ZGRF1: variants seen among roughly 807,000 people sequenced by gnomAD.
The protein encoded by ZGRF1 is 5'-3' DNA helicase ZGRF1.
In ZGRF1, 196 loss-of-function variants were observed where a neutral mutation model predicts 203.5. The observed-to-expected ratio is 0.96, with a 90% confidence interval of 0.86 to 1.08. ZGRF1 has a LOEUF of 1.08. Ranked by LOEUF, ZGRF1 falls within the 50% of genes least tolerant of loss-of-function variation. ZGRF1 has a pLI of 0.00. For synonymous variants in ZGRF1, 809 were observed against 841.3 expected (o/e 0.96, Z 0.66); for missense variants, 2,326 against 2,416.3 (o/e 0.96, Z 0.78).
chr4:112,606,580 C>A (rs1349496408), intron 8 of ZGRF1, among the ~76,000 whole-genome samples: 1 of 151,744 alleles, frequency 6.6e-6, no homozygotes, highest in Non-Finnish European at 1.5e-5. Context: ...ATTGCTTGAA[C>A]CCTGGAGGCA....
At chr4:112,581,614 G>A in intron 16 of ZGRF1, 49 bp downstream of exon 16, 1 of 1,381,728 alleles carries the variant, frequency 7.2e-7, no homozygotes, top group Non-Finnish European at 9.6e-7. Flanking sequence ...TGTATGTAAT[G>A]GAGATAATAA....
At chr4:112,614,928 T>A (rs770006494) in intron 6 of ZGRF1, among the ~76,000 whole-genome samples, 40 of 152,294 alleles carry the variant, frequency 2.6e-4, no homozygotes, top group Middle Eastern at 3.4e-3. Flanking sequence ...AGGTACATTT[T>A]TTATAGGTAA....
chr4:112,633,110 CAG>C (rs1265310906), intron 2 of ZGRF1, 44 bp downstream of exon 2: 1 of 1,556,510 alleles, frequency 6.4e-7, no homozygotes, highest in East Asian at 2.2e-5. Context: ...AAGAAAGAGA[CAG>C]AGGAAGGGAA....
intron 15 of ZGRF1, among the ~76,000 whole-genome samples, chr4:112,583,026 A>C (rs1455073984): frequency 1.3e-5 from 2 of 152,228 alleles, no homozygotes; most frequent in Non-Finnish European, 1.5e-5. Flanking sequence ...TTGCTGGATC[A>C]TATGATAGTT....
intron 23 of ZGRF1, among the ~76,000 whole-genome samples, chr4:112,547,967 T>C (rs1400034911): frequency 6.6e-6 from 1 of 151,814 alleles, no homozygotes; most frequent in Non-Finnish European, 1.5e-5. Flanking sequence ...TGAGACGGGG[T>C]TTTACTCTGT....
intron 16 of ZGRF1, among the ~76,000 whole-genome samples, chr4:112,575,681 T>G (rs1745061185): frequency 6.6e-6 from 1 of 152,184 alleles, no homozygotes; most frequent in Non-Finnish European, 1.5e-5. Flanking sequence ...CGCTCATTGC[T>G]AACAGAGCAG....
At chr4:112,558,591 T>C (rs1203345710) in intron 19 of ZGRF1, among the ~76,000 whole-genome samples, 3 of 152,198 alleles carry the variant, frequency 2.0e-5, no homozygotes, top group Non-Finnish European at 4.4e-5. Context: ...ACTCCTGAAC[T>C]CAAGTGATCC....
intron 21 of ZGRF1, among the ~76,000 whole-genome samples, chr4:112,554,436 C>A (rs1446447021): frequency 6.6e-6 from 1 of 152,046 alleles, no homozygotes; most frequent in Non-Finnish European, 1.5e-5. Flanking sequence ...AGCCAAATGC[C>A]CAACAATGAC....
intron 12 of ZGRF1, 93 bp from the exon 13 acceptor site, chr4:112,586,676 A>G: frequency 2.0e-6 from 2 of 1,007,322 alleles, no homozygotes; most frequent in Non-Finnish European, 2.7e-6. Flanking sequence ...TTTTAAAAAT[A>G]TTAATTTTTC....
At chr4:112,620,883 T>C (rs1578474117) in intron 4 of ZGRF1, among the ~76,000 whole-genome samples, 1 of 147,510 alleles carries the variant, frequency 6.8e-6, no homozygotes, top group Admixed American at 6.8e-5. Flanking sequence ...AAAAAAAAAA[T>C]TAGCCAGGCA....
intron 4 of ZGRF1, among the ~76,000 whole-genome samples, chr4:112,623,385 C>T (rs1310643911): frequency 2.0e-5 from 3 of 152,032 alleles, no homozygotes; most frequent in Non-Finnish European, 4.4e-5. Flanking sequence ...TTATAGTACT[C>T]CTGGGTTGAA....
At chr4:112,542,109 G>A (rs6822451) in intron 24 of ZGRF1, among the ~76,000 whole-genome samples, 91,902 of 151,826 alleles carry the variant, frequency 0.61, 28,563 homozygotes, top group East Asian at 0.95. Context: ...TGGGAGGCCA[G>A]GGTGGGAGGA....
Position 112,563,255 on chromosome 4 carries a change from T to C in ZGRF1, c.4458A>G (p.Ser1486=). Residue 1486 remains serine, a synonymous_variant, in exon 17 of 28, where the codon TCA becomes TCG. Transcript: ENST00000505019. ...AYSKNDLWVV[S]KTLDFELDTF... is the part of the protein sequence containing the mutation. ...TATCCAGCTCAAAGTCTAGGGTTTTTGAAACCACCCAAAGATCATCTGAAA... is the reference window on the plus strand; with the variant it reads ...TATCCAGCTCAAAGTCTAGGGTTTTCGAAACCACCCAAAGATCATCTGAAA... 3 of 1,551,086 alleles carry C rather than the reference T, an allele frequency of 1.9e-6. No individual in the cohort carries two copies. The South Asian group carries it at 3.6e-5, about 18-fold the overall frequency.
In ZGRF1 at chr4:112,587,574, G is replaced by A; in HGVS notation, c.3483C>T (p.Asn1161=). The A allele has an allele frequency of 6.2e-7, 1 of 1,613,866 alleles. No individual in the cohort carries two copies. ...NTSQCNVATP[N]RVDKRITDGF... is the part of the protein sequence containing the mutation. Reference sequence around the variant, plus strand: ...CATCAGTTATTCTCTTATCAACTCTGTTTGGAGTAGCCACGTTGCATTGGG... The same window carrying A: ...CATCAGTTATTCTCTTATCAACTCTATTTGGAGTAGCCACGTTGCATTGGG... Residue 1161 remains asparagine, a synonymous_variant, in exon 12 of 28, where the codon AAC becomes AAT. Coordinates refer to ENST00000505019, the MANE Select transcript of ZGRF1 (RefSeq NM_018392.5).
At chr4:112,572,647 T>C (rs1361334286) in intron 16 of ZGRF1, among the ~76,000 whole-genome samples, 2 of 152,168 alleles carry the variant, frequency 1.3e-5, no homozygotes, top group Admixed American at 6.6e-5. Context: ...ATTCACAATC[T>C]ATACATCTGA....
At chr4:112,628,583 A>G (rs1339565490) in intron 3 of ZGRF1, 2 of 455,930 alleles carry the variant, frequency 4.4e-6, no homozygotes, top group East Asian at 6.9e-5. Flanking sequence ...TTTAAGATTG[A>G]GGGCGTTATT....
chr4:112,628,557 T>C, intron 3 of ZGRF1: 1 of 455,668 alleles, frequency 2.2e-6, no homozygotes, highest in South Asian at 1.6e-5. Context: ...GAGAAGAATA[T>C]AAGCAATAGC....
At chr4:112,623,769 G>T in intron 4 of ZGRF1, 48 bp downstream of exon 4, 1 of 928,588 alleles carries the variant, frequency 1.1e-6, no homozygotes, top group South Asian at 1.5e-5. Flanking sequence ...GGTATTTAAA[G>T]AGATTTTTAA....
chr4:112,627,467 AC>A (rs1326668421), intron 3 of ZGRF1, among the ~76,000 whole-genome samples: 1 of 152,178 alleles, frequency 6.6e-6, no homozygotes, highest in East Asian at 1.9e-4. Context: ...ATAGCCGGGC[AC>A]GGTGGCTCAT....
Sources: gnomAD v4.1 joint callset for allele counts (sites outside exome capture counted in the v4.1 genomes callset) on GRCh38, gnomAD v4.1.1 for gene constraint, MANE v1.5 for transcripts, NCBI Gene and HGNC (gene_info 2026-07-23, HGNC 2026-07-21) for gene names.